Variants in PKP4 observed in about 807,000 individuals in gnomAD.
The protein encoded by PKP4 is plakophilin-4.
PKP4 carries 90 observed loss-of-function variants against 145.1 expected under a neutral mutation model. The ratio of observed to expected loss-of-function variants is 0.62; its 90% CI spans 0.52 to 0.74. PKP4 has a LOEUF of 0.74. PKP4 is among the 30% of genes least tolerant of loss of function. The pLI is 0.00. For synonymous variants in PKP4, 563 were observed against 577.2 expected, an observed-to-expected ratio of 0.98 and a Z score of 0.35; for missense variants, 1,340 against 1,482.7, an observed-to-expected ratio of 0.90 and a Z score of 1.58.
chr2:158,560,283 A>G (rs1462467998), intron 2 of PKP4, among the ~76,000 whole-genome samples: 1 of 151,974 alleles, frequency 6.6e-6, no homozygotes, highest in African/African-American at 2.4e-5. Context: ...AATTAAATAA[A>G]TAGAGCATTA....
intron 1 of PKP4, among the ~76,000 whole-genome samples, chr2:158,532,089 C>T (rs745709380): frequency 5.9e-5 from 9 of 152,050 alleles, no homozygotes; most frequent in Non-Finnish European, 1.2e-4. Flanking sequence ...AAGACTGATA[C>T]TGAAATTTGA....
At chr2:158,545,361 G>A (rs2044920080) in intron 2 of PKP4, among the ~76,000 whole-genome samples, 1 of 152,042 alleles carries the variant, frequency 6.6e-6, no homozygotes, top group African/African-American at 2.4e-5. Flanking sequence ...AAGAAAGGGA[G>A]GTGGAGAAGT....
intron 1 of PKP4, among the ~76,000 whole-genome samples, chr2:158,482,053 C>A (rs190830132): frequency 1.3e-5 from 2 of 152,248 alleles, no homozygotes; most frequent in East Asian, 1.9e-4. Context: ...TAATTACGTA[C>A]CTGTGCTGTC....
chr2:158,676,652 TG>T, intron 19 of PKP4, 86 bp from the exon 20 acceptor site: 1 of 1,478,820 alleles, frequency 6.8e-7, no homozygotes, highest in East Asian at 2.3e-5. Flanking sequence ...TACTGAGCTT[TG>T]TGTTTCTGGA....
At chr2:158,502,078 T>C (rs2105498420) in intron 1 of PKP4, among the ~76,000 whole-genome samples, 1 of 152,308 alleles carries the variant, frequency 6.6e-6, no homozygotes, top group Non-Finnish European at 1.5e-5. Context: ...TAGAGTATTA[T>C]GAAATCCAGT....
intron 1 of PKP4, among the ~76,000 whole-genome samples, chr2:158,532,205 G>A (rs934693889): frequency 6.6e-6 from 1 of 152,194 alleles, no homozygotes; most frequent in African/African-American, 2.4e-5. Context: ...AGAGAAAACT[G>A]AAGAATGTTG....
chr2:158,605,567 T>C (rs2050590146), intron 4 of PKP4, among the ~76,000 whole-genome samples: 1 of 152,176 alleles, frequency 6.6e-6, no homozygotes, highest in Admixed American at 6.5e-5. Flanking sequence ...AACTTAATTT[T>C]TTGTTTGTTT....
intron 21 of PKP4, among the ~76,000 whole-genome samples, chr2:158,679,900 C>A (rs1447491053): frequency 6.6e-6 from 1 of 152,192 alleles, no homozygotes; most frequent in Non-Finnish European, 1.5e-5. Context: ...TTCACCTAGC[C>A]ACATACATCT....
Position 158,510,019 on chromosome 2 carries a change from T to C in PKP4, c.-5-23161T>C, listed in dbSNP as rs566672205. Among the ~76,000 whole-genome samples, 5 of 151,792 alleles carry C rather than the reference T, an allele frequency of 3.3e-5. No individual in the cohort carries two copies. The East Asian group carries it at 9.7e-4, about 29-fold the overall frequency. The stretch of plus-strand genomic sequence containing the variant: ...GTTGTGTTATTTCCTGCTAATGGAA[T>C]GTAGCTTCCTTGACTTGTGGTTATT... On this transcript the variant is annotated intron_variant, in intron 1 of 21. Coordinates refer to ENST00000389759, the MANE Select transcript of PKP4 (RefSeq NM_003628.6).
At chr2:158,587,948 G>A (rs2105810452) in intron 3 of PKP4, among the ~76,000 whole-genome samples, 1 of 151,506 alleles carries the variant, frequency 6.6e-6, no homozygotes, top group South Asian at 2.1e-4. Flanking sequence ...ATCAAAGATT[G>A]TAGGTGTAGT....
intron 1 of PKP4, among the ~76,000 whole-genome samples, chr2:158,495,833 CTAAATAAATAAA>C (rs144207416): frequency 0.15 from 21,277 of 143,736 alleles, 1,633 homozygotes; most frequent in South Asian, 0.17. Context: ...GACTCTGTCT[CTAAATAAATAAA>C]TAAATAAATA....
chr2:158,497,917 TC>T, intron 1 of PKP4, among the ~76,000 whole-genome samples: 2 of 152,170 alleles, frequency 1.3e-5, no homozygotes, highest in South Asian at 4.1e-4. Flanking sequence ...CCAAAACAAA[TC>T]CACAAAACAG....
intron 8 of PKP4, among the ~76,000 whole-genome samples, chr2:158,633,810 C>T (rs2053590996): frequency 6.6e-6 from 1 of 152,078 alleles, no homozygotes; most frequent in Non-Finnish European, 1.5e-5. Context: ...TGTTACTGAA[C>T]CTCAATGAAC....
intron 2 of PKP4, among the ~76,000 whole-genome samples, chr2:158,539,484 G>A (rs2044333126): frequency 6.6e-6 from 1 of 152,198 alleles, no homozygotes; most frequent in Non-Finnish European, 1.5e-5. Context: ...ATGCAGAAGA[G>A]AGAATTTTTA....
chr2:158,668,468 C>T (rs1366124621), intron 16 of PKP4, among the ~76,000 whole-genome samples: 1 of 152,228 alleles, frequency 6.6e-6, no homozygotes, highest in East Asian at 1.9e-4. Flanking sequence ...GTGGGACCCA[C>T]CCTGCTGTCT....
intron 1 of PKP4, among the ~76,000 whole-genome samples, chr2:158,499,214 C>T (rs1696197023): frequency 6.6e-6 from 1 of 152,024 alleles, no homozygotes; most frequent in Non-Finnish European, 1.5e-5. Flanking sequence ...AAATGACCCA[C>T]TGATTTTTTT....
At chr2:158,648,521 C>T (rs186766506) in intron 11 of PKP4, among the ~76,000 whole-genome samples, 4 of 152,282 alleles carry the variant, frequency 2.6e-5, no homozygotes, top group African/African-American at 7.2e-5. Flanking sequence ...CGAAGCATGT[C>T]CCCTTAGCCT....
At chr2:158,557,621 G>T (rs970014221) in intron 2 of PKP4, among the ~76,000 whole-genome samples, 1 of 152,158 alleles carries the variant, frequency 6.6e-6, no homozygotes, top group Non-Finnish European at 1.5e-5. Context: ...TTTACCTGTT[G>T]TTTGATATTT....
At chr2:158,561,170 C>T (rs971404930) in intron 2 of PKP4, among the ~76,000 whole-genome samples, 10 of 152,282 alleles carry the variant, frequency 6.6e-5, no homozygotes, top group African/African-American at 2.4e-4. Context: ...CAGGCACACT[C>T]GTCATTTATG....
Sources: allele counts gnomAD v4.1 joint callset (sites outside exome capture counted in the v4.1 genomes callset), GRCh38; gene constraint gnomAD v4.1.1; transcripts MANE v1.5; gene names NCBI Gene and HGNC (gene_info 2026-07-23, HGNC 2026-07-21).